LRBA: variants seen among roughly 807,000 people sequenced by gnomAD.
The protein encoded by LRBA is LPS responsive beige-like anchor protein.
A neutral mutation model predicts 330.0 loss-of-function variants in LRBA; 176 were observed. The ratio of observed to expected loss-of-function variants is 0.53; its 90% CI spans 0.47 to 0.60. The LOEUF (loss-of-function observed/expected upper bound fraction) is 0.60. LRBA is among the 20% of genes least tolerant of loss of function. The pLI, the probability that LRBA is intolerant of heterozygous loss-of-function variation, is 0.00. For synonymous variants in LRBA, 1,230 were observed against 1,193.0 expected (o/e 1.03, Z -0.64); for missense variants, 3,259 against 3,444.8 (o/e 0.95, Z 1.35).
chr4:150,886,656 C>A (rs111901811), intron 17 of LRBA, among the ~76,000 whole-genome samples: 51 of 152,268 alleles, frequency 3.3e-4, no homozygotes, highest in African/African-American at 1.2e-3. Context: ...CTGGAAACAT[C>A]ATGCACAGAG....
chr4:150,955,870 C>A (rs1737497620), intron 2 of LRBA, among the ~76,000 whole-genome samples: 1 of 148,466 alleles, frequency 6.7e-6, no homozygotes, highest in Non-Finnish European at 1.5e-5. Context: ...CCAGCCTGGG[C>A]AACAGAGAGA....
At chr4:150,988,308 T>C (rs1424328455) in intron 2 of LRBA, among the ~76,000 whole-genome samples, 1 of 152,198 alleles carries the variant, frequency 6.6e-6, no homozygotes, top group Non-Finnish European at 1.5e-5. Flanking sequence ...ATGGATATTA[T>C]TTCATCAATT....
chr4:150,694,067 G>A (rs1582068317), intron 36 of LRBA, among the ~76,000 whole-genome samples: 1 of 151,890 alleles, frequency 6.6e-6, no homozygotes, highest in Admixed American at 6.6e-5. Context: ...ATCAAAGAAC[G>A]ACATAAAAAA....
chr4:150,736,003 G>A (rs1731134212), intron 35 of LRBA, among the ~76,000 whole-genome samples: 1 of 152,066 alleles, frequency 6.6e-6, no homozygotes, highest in Non-Finnish European at 1.5e-5. Context: ...TCAGGGTGGG[G>A]AGAAAAAAAT....
intron 36 of LRBA, among the ~76,000 whole-genome samples, chr4:150,703,156 G>A (rs748717179): frequency 2.0e-5 from 3 of 152,158 alleles, no homozygotes; most frequent in South Asian, 2.1e-4. Flanking sequence ...GCGAGACTTC[G>A]TCTCCAAAAG....
intron 17 of LRBA, among the ~76,000 whole-genome samples, chr4:150,873,682 C>T (rs1753697577): frequency 6.6e-6 from 1 of 151,912 alleles, no homozygotes; most frequent in African/African-American, 2.4e-5. Flanking sequence ...TGATTCATTA[C>T]AGCATTCCCT....
At chr4:150,700,653 ATTTTTTAAAATTGTTTAACTC>A (rs1785031915) in intron 36 of LRBA, among the ~76,000 whole-genome samples, 2 of 152,144 alleles carry the variant, frequency 1.3e-5, no homozygotes, top group Non-Finnish European at 2.9e-5. Context: ...TAAACTTAAA[ATTTTTTAAAATTGTTTAACTC>A]TTTTTTAATA....
At chr4:150,552,249 G>A (rs1766698801) in intron 40 of LRBA, among the ~76,000 whole-genome samples, 3 of 152,056 alleles carry the variant, frequency 2.0e-5, no homozygotes, top group African/African-American at 7.2e-5. Flanking sequence ...TTTATGCCAA[G>A]ATCCAAAAAA....
chr4:150,821,870 C>T (rs2126786349), intron 30 of LRBA, among the ~76,000 whole-genome samples: 1 of 152,270 alleles, frequency 6.6e-6, no homozygotes, highest in South Asian at 2.1e-4. Flanking sequence ...GGCCCACAAC[C>T]TGGCAGCCTT....
At chr4:150,480,006 CTCAAT>C (rs1561235316) in intron 42 of LRBA, among the ~76,000 whole-genome samples, 1 of 152,176 alleles carries the variant, frequency 6.6e-6, no homozygotes, top group African/African-American at 2.4e-5. Context: ...TCAAAAGTAG[CTCAAT>C]TCAATACCAA....
chr4:150,870,749 C>A, intron 19 of LRBA, 143 bp from the exon 20 acceptor site: 1 of 509,792 alleles, frequency 2.0e-6, no homozygotes, highest in South Asian at 3.6e-5. Context: ...TATTGTCATG[C>A]TAAATAATAT....
At chr4:150,449,091 T>C (rs1753025231) in intron 44 of LRBA, among the ~76,000 whole-genome samples, 1 of 152,046 alleles carries the variant, frequency 6.6e-6, no homozygotes, top group South Asian at 2.1e-4. Flanking sequence ...TCAAAATCCT[T>C]AAGCTGATGG....
chr4:150,480,190 A>T (rs1252250212), intron 42 of LRBA, among the ~76,000 whole-genome samples: 1 of 152,262 alleles, frequency 6.6e-6, no homozygotes, highest in East Asian at 1.9e-4. Context: ...TGCTACTTCA[A>T]TGTAGTCCCA....
At chr4:150,699,894 T>C (rs1301584680) in intron 36 of LRBA, among the ~76,000 whole-genome samples, 1 of 152,150 alleles carries the variant, frequency 6.6e-6, no homozygotes, top group Non-Finnish European at 1.5e-5. Flanking sequence ...TGAATACTTG[T>C]CAGTTGGTTA....
intron 36 of LRBA, among the ~76,000 whole-genome samples, chr4:150,709,862 T>C (rs1786004730): frequency 6.6e-6 from 1 of 151,906 alleles, no homozygotes; most frequent in Non-Finnish European, 1.5e-5. Flanking sequence ...TGTGTAAAAG[T>C]GACACTTGAA....
At chr4:150,899,168 T>C (rs1730446879) in intron 14 of LRBA, among the ~76,000 whole-genome samples, 1 of 152,102 alleles carries the variant, frequency 6.6e-6, no homozygotes, top group East Asian at 1.9e-4. Context: ...ACCACAAAAA[T>C]GGGCACATGA....
intron 36 of LRBA, among the ~76,000 whole-genome samples, chr4:150,689,701 G>C (rs966566695): frequency 2.6e-5 from 4 of 152,230 alleles, no homozygotes; most frequent in Admixed American, 2.6e-4. Context: ...TGTGACAGGA[G>C]GATCGCTTGA....
At chr4:150,929,187 T>C in intron 2 of LRBA, 122 bp from the exon 3 acceptor site, 1 of 606,082 alleles carries the variant, frequency 1.6e-6, no homozygotes, top group Non-Finnish European at 2.7e-6. Flanking sequence ...AAAAGGTTCA[T>C]TAAAAAACAT....
At chr4:150,308,640 C>A (rs1326786864) in intron 52 of LRBA, among the ~76,000 whole-genome samples, 1 of 152,080 alleles carries the variant, frequency 6.6e-6, no homozygotes, top group African/African-American at 2.4e-5. Flanking sequence ...GAAGACCTTC[C>A]AGTGGGACAA....
Sources: allele counts gnomAD v4.1 joint callset (sites outside exome capture counted in the v4.1 genomes callset), GRCh38; gene constraint gnomAD v4.1.1; transcripts MANE v1.5; gene names NCBI Gene and HGNC (gene_info 2026-07-23, HGNC 2026-07-21).